The following PTPN7 variants were observed in gnomAD, a reference collection of about 807,000 sequenced individuals.
The protein encoded by PTPN7 is tyrosine-protein phosphatase non-receptor type 7.
A neutral mutation model predicts 50.3 loss-of-function variants in PTPN7; 33 were observed. That is an observed-to-expected ratio of 0.66 (90% CI 0.50 to 0.88). The LOEUF is 0.88. Ranked by LOEUF, PTPN7 falls within the 40% of genes least tolerant of loss-of-function variation. The pLI is 0.00. For synonymous variants in PTPN7, 185 were observed against 186.6 expected, an observed-to-expected ratio of 0.99 and a Z score of 0.07; for missense variants, 412 against 475.4, an observed-to-expected ratio of 0.87 and a Z score of 1.24.
Position 202,147,150 on chromosome 1 carries a change from T to A in PTPN7, c.*1456A>T, listed in dbSNP as rs1406570553. 1.3e-5 allele frequency: 2 copies of A among 152,114 alleles called. No homozygotes were observed. Among genetic ancestry groups the A allele is most frequent in the African/African-American group, 4.8e-5 (2 of 41,412 alleles). The allele number at this position is 152,114 out of a possible 1,614,324, so 9.4% of individuals were successfully genotyped here. A position where few individuals can be genotyped will look rare whatever the true frequency, so the allele number is the denominator to read the frequency against. On this transcript the variant is annotated 3_prime_UTR_variant, in exon 10 of 10. Transcript: ENST00000691036. ...GCTGTGCAGTTGCTTCCCTCTGGGCTGGCTCTGAGCCCAGGGCAGGATCAG... is the reference window on the plus strand; with the variant it reads ...GCTGTGCAGTTGCTTCCCTCTGGGCAGGCTCTGAGCCCAGGGCAGGATCAG...
Position 202,159,208 on chromosome 1 carries a change from G to T in PTPN7, c.122+73C>A, listed in dbSNP as rs80312566. 29,991 of 1,463,458 alleles carry T rather than the reference G, an allele frequency of 0.02. 566 individuals are homozygous for T. Among genetic ancestry groups the T allele is most frequent in the African/African-American group, 0.076 (5,486 of 72,046 alleles). 90.7% of individuals were successfully genotyped at this position (1,463,458 alleles called of 1,614,324 possible). On this transcript the variant is annotated intron_variant, in intron 2 of 9. Transcript: ENST00000691036. This position sits in a 1 kb window ranked among gnomAD's most constrained non-coding sequence, Gnocchi z 4.6. Reference sequence around the variant, plus strand: ...GGACCCTGCTGTCAGAGCTGGAGGGGCAGATGGAAGGAAGGGAGGAGCGGA... The same window carrying T: ...GGACCCTGCTGTCAGAGCTGGAGGGTCAGATGGAAGGAAGGGAGGAGCGGA...
chr1:202,151,490 C>T (rs1212712818), intron 8 of PTPN7, among the ~76,000 whole-genome samples: 1 of 152,082 alleles, frequency 6.6e-6, no homozygotes, highest in African/African-American at 2.4e-5. Flanking sequence ...CCATAATATC[C>T]CCATCACAGC....
Position 202,157,838 on chromosome 1 carries a change from A to C in PTPN7, c.307-15T>G. 3 of 1,610,128 alleles carry C rather than the reference A, an allele frequency of 1.9e-6. No homozygotes were observed. The highest frequency in any genetic ancestry group is 2.5e-6 in the Non-Finnish European group (3 of 1,176,554). The stretch of plus-strand genomic sequence containing the variant: ...GAAGGGATCTTCTGGCAGGGGGAGG[A>C]AATGGGTGAGCAGCTGACTCCTAGC... On this transcript the variant is annotated splice_polypyrimidine_tract_variant and intron_variant, in intron 3 of 9. Transcript: ENST00000691036.
Position 202,148,642 on chromosome 1 carries a change from C to A in PTPN7, c.1047G>T (p.Leu349=). 1 of 1,613,936 alleles carries A rather than the reference C, an allele frequency of 6.2e-7. No individual in the cohort carries two copies. The highest frequency in any genetic ancestry group is 8.5e-7 in the Non-Finnish European group (1 of 1,179,906). The change falls in exon 10 of 10, where the codon CTG becomes CTT. Residue 349 remains leucine (L), a synonymous_variant. Coordinates refer to ENST00000691036, the MANE Select transcript of PTPN7 (RefSeq NM_002832.4). The stretch of plus-strand genomic sequence containing the variant: ...GTTCCTCAGGCAGCTGGCCTGCATA[C>A]AGGGCCAAAGTGTGGTGCAGGAACT... ...QYQFLHHTLA[L]YAGQLPEEPS...
chr1:202,154,211 A>G lies in PTPN7; in HGVS notation c.581T>C (p.Leu194Pro). 6.2e-7 allele frequency: 1 copy of G among 1,614,082 alleles called. No homozygotes were observed. The highest frequency in any genetic ancestry group is 8.5e-7 in the Non-Finnish European group (1 of 1,180,026). Residue 194 changes from leucine (L) to proline (P), a missense_variant, in exon 6 of 10, where the codon CTC becomes CCC. Transcript: ENST00000691036. ...CTCCTTGCCCTCTCGGAGCTGAGTG[A>G]GCATGACAATGAGGGACACTTCCTC... is the stretch of plus-strand genomic sequence containing the variant. Reference protein sequence around the residue: ...WQEEVSLIVMLTQLREGKEKC... With the variant: ...WQEEVSLIVMPTQLREGKEKC...
chr1:202,154,465 C>G (rs1301242861), intron 5 of PTPN7, 142 bp from the exon 6 acceptor site: 1 of 937,270 alleles, frequency 1.1e-6, no homozygotes, highest in Non-Finnish European at 1.6e-6. Flanking sequence ...CACGCACACT[C>G]AGAAGCCACA....
chr1:202,153,840 G>A lies in PTPN7; in HGVS notation c.607-5C>T. The A allele has an allele frequency of 1.9e-6, 3 of 1,610,146 alleles. No individual in the cohort carries two copies. The highest frequency in any genetic ancestry group is 2.6e-6 in the Non-Finnish European group (3 of 1,176,406). On this transcript the variant is annotated splice_region_variant and splice_polypyrimidine_tract_variant and intron_variant, in intron 6 of 9. Transcript: ENST00000691036. ...GGGCCAGTAGTGGACACATTTCTAG[G>A]AGGGAGGGAGCTGGGAGTCAGAAGA...
In PTPN7 at chr1:202,152,667, G is replaced by A. The variant is rs1284131309; in HGVS notation, c.750C>T (p.Ile250=). The A allele has an allele frequency of 6.2e-7, 1 of 1,614,078 alleles. No homozygotes were observed. ...YQEERRSVKH[I]LFSAWPDHQT... ...GATGGTCTGGCCAGGCCGAAAAGAG[G>A]ATGTGCTTTACTGACCGGCGCTCTT... The change falls in exon 8 of 10, where the codon ATC becomes ATT. Residue 250 remains isoleucine (I), a synonymous_variant. Coordinates refer to ENST00000691036, the MANE Select transcript of PTPN7 (RefSeq NM_002832.4).
chr1:202,153,715 G>GGGT lies in PTPN7; in HGVS notation c.717+9_717+10insACC. 2 of 1,609,476 alleles carry GGGT rather than the reference G, an allele frequency of 1.2e-6. No individual in the cohort carries two copies. The highest frequency in any genetic ancestry group is 1.7e-6 in the Non-Finnish European group (2 of 1,175,830). ...ACTTCCCACTGGGCCTGGCTCCGGG[G>GGGT]GGGTGGTACCTGGATGGTGAGCTGC... On this transcript the variant is annotated intron_variant, in intron 7 of 9. Coordinates refer to ENST00000691036, the MANE Select transcript of PTPN7 (RefSeq NM_002832.4).
chr1:202,159,520 G>A lies in PTPN7; in HGVS notation c.-52-66C>T, dbSNP rs1232319041. On this transcript the variant is annotated intron_variant, in intron 1 of 9. Transcript: ENST00000691036. This position sits in a 1 kb window ranked among gnomAD's most constrained non-coding sequence, Gnocchi z 4.6. ...TGATTGGCCAGAAGGAGGCTCCCAT[G>A]CCAGGCCAGGTTTGCACTCTGTTTT... is the stretch of plus-strand genomic sequence containing the variant. 3.6e-5 allele frequency: 56 copies of A among 1,563,614 alleles called. No individual in the cohort carries two copies. The highest frequency in any genetic ancestry group is 4.7e-5 in the Non-Finnish European group (54 of 1,153,100).
Position 202,157,751 on chromosome 1 carries a change from T to C in PTPN7, c.379A>G (p.Thr127Ala), listed in dbSNP as rs768756730. The C allele has an allele frequency of 1.9e-6, 3 of 1,613,670 alleles. No individual in the cohort carries two copies. In the South Asian group the frequency reaches 3.3e-5, roughly 18 times the overall value. Residue 127 changes from threonine (T) to alanine (A), a missense_variant, in exon 4 of 10, where the codon ACC becomes GCC. Transcript: ENST00000691036. ...PGHASKDRYK[T>A]ILPNPQSRVC... Reference sequence around the variant, plus strand: ...CAGCAGTTCTTACTTGGCAAGATGGTCTTGTATCGGTCCTTGGAGGCGTGG... The same window carrying C: ...CAGCAGTTCTTACTTGGCAAGATGGCCTTGTATCGGTCCTTGGAGGCGTGG...
At chr1:202,150,176 C>T in intron 9 of PTPN7, 135 bp downstream of exon 9, 3 of 680,082 alleles carry the variant, frequency 4.4e-6, no homozygotes, top group Non-Finnish European at 7.6e-6. Context: ...GTAAAATAAA[C>T]AGCTCTAAGC....
chr1:202,160,094 C>T lies in PTPN7; in HGVS notation c.-53+451G>A, dbSNP rs1657193627. 1.6e-6 allele frequency: 1 copy of T among 633,362 alleles called. No individual in the cohort carries two copies. The highest frequency in any genetic ancestry group is 2.0e-5 in the African/African-American group (1 of 50,520). The allele number at this position is 633,362 out of a possible 1,614,324, so 39.2% of individuals were successfully genotyped here. ...CTGTAACCGTCACAGGAAATGGCCTCACCAAGCCCTTGAACGACAGCGCAT... is the reference window on the plus strand; with the variant it reads ...CTGTAACCGTCACAGGAAATGGCCTTACCAAGCCCTTGAACGACAGCGCAT... On this transcript the variant is annotated intron_variant, in intron 1 of 9. Transcript: ENST00000691036. The surrounding 1 kb of genome is among the most constrained non-coding windows in gnomAD (Gnocchi z 4.8).
At chr1:202,152,779 C>T in intron 7 of PTPN7, 80 bp from the exon 8 acceptor site, 1 of 1,510,958 alleles carries the variant, frequency 6.6e-7, no homozygotes, top group Non-Finnish European at 9.1e-7. Context: ...CTGAGGAGGG[C>T]AAGGGCTGGA....
rs1249166739 is a variant in PTPN7, at chr1:202,150,353, TCTC to T, written c.944_946del (p.Gly315del). 6.2e-6 allele frequency: 10 copies of T among 1,612,960 alleles called. No individual in the cohort carries two copies. Among genetic ancestry groups the T allele is most frequent in the Non-Finnish European group, 7.6e-6 (9 of 1,179,544 alleles). ...GCACACAATACCCAGAATGTCCACT[TCTC>T]CTCGGGCTTTCAGCTGTTGACAGCC... On this transcript the variant is annotated inframe_deletion, in exon 9 of 10. Coordinates refer to ENST00000691036, the MANE Select transcript of PTPN7 (RefSeq NM_002832.4).
At chr1:202,157,368 G>A (rs896508784) in intron 4 of PTPN7, among the ~76,000 whole-genome samples, 4 of 152,158 alleles carry the variant, frequency 2.6e-5, no homozygotes, top group African/African-American at 7.2e-5. Flanking sequence ...AATTAGCCAC[G>A]CATGGAGGCG....
upstream of PTPN7, chr1:202,161,076 G>T (rs772556520): frequency 1.5e-5 from 20 of 1,363,234 alleles, no homozygotes; most frequent in Non-Finnish European, 1.9e-5. Context: ...TCAAGCCTTG[G>T]GAATTCATGG....
chr1:202,147,221 G>A lies in PTPN7; in HGVS notation c.*1385C>T. 1 of 152,080 alleles carries A rather than the reference G, an allele frequency of 6.6e-6. No individual in the cohort carries two copies. The highest frequency in any genetic ancestry group is 1.5e-5 in the Non-Finnish European group (1 of 68,060). 9.4% of individuals were successfully genotyped at this position (152,080 alleles called of 1,614,324 possible). A position where few individuals can be genotyped will look rare whatever the true frequency, so the allele number is the denominator to read the frequency against. Reference sequence around the variant, plus strand: ...GAGCCTCATTGGCATAGACAGTCGTGCCTCTCACAGGGCTCAGGGGAGGTG... The same window carrying A: ...GAGCCTCATTGGCATAGACAGTCGTACCTCTCACAGGGCTCAGGGGAGGTG... On this transcript the variant is annotated 3_prime_UTR_variant, in exon 10 of 10. Transcript: ENST00000691036.
chr1:202,160,802 G>C, upstream of PTPN7: 1 of 1,542,258 alleles, frequency 6.5e-7, no homozygotes, highest in Non-Finnish European at 8.8e-7. This position sits in a 1 kb window ranked among gnomAD's most constrained non-coding sequence, Gnocchi z 4.8. Context: ...AGGCCTTCCC[G>C]ACCATCCTGC....
Sources: allele counts gnomAD v4.1 joint callset (sites outside exome capture counted in the v4.1 genomes callset), GRCh38; gene constraint gnomAD v4.1.1; non-coding constraint Gnocchi (gnomAD v3.1); transcripts MANE v1.5; gene names NCBI Gene and HGNC (gene_info 2026-07-23, HGNC 2026-07-21).